The following KCNIP4 variants were observed in gnomAD, a reference collection of about 807,000 sequenced individuals.
The protein encoded by KCNIP4 is potassium voltage-gated channel interacting protein 4.
In KCNIP4, 12 loss-of-function variants were observed where a neutral mutation model predicts 34.0. The observed-to-expected ratio is 0.35, with a 90% CI of 0.23 to 0.57. KCNIP4 has a LOEUF of 0.57. KCNIP4 is among the 20% of genes least tolerant of loss of function. The pLI is 0.83. For synonymous variants in KCNIP4, 124 were observed against 102.2 expected, an observed-to-expected ratio of 1.21 and a Z score of -1.29; for missense variants, 238 against 311.7, an observed-to-expected ratio of 0.76 and a Z score of 1.78.
chr4:21,255,399 C>A (rs1479910524), intron 1 of KCNIP4, among the ~76,000 whole-genome samples: 2 of 151,700 alleles, frequency 1.3e-5, no homozygotes, highest in Non-Finnish European at 2.9e-5. Flanking sequence ...TTTTTCTTAT[C>A]TCCCCTCTCC....
At chr4:21,065,173 C>T (rs1577625580) in intron 1 of KCNIP4, among the ~76,000 whole-genome samples, 1 of 152,108 alleles carries the variant, frequency 6.6e-6, no homozygotes, top group African/African-American at 2.4e-5. Flanking sequence ...TCTTGGTTGA[C>T]TTTCTAGGGG....
intron 1 of KCNIP4, among the ~76,000 whole-genome samples, chr4:21,707,497 G>A (rs560151516): frequency 6.6e-6 from 1 of 152,168 alleles, no homozygotes; most frequent in South Asian, 2.1e-4. Flanking sequence ...TATGACATAT[G>A]TGTAGATTTT....
intron 3 of KCNIP4, among the ~76,000 whole-genome samples, chr4:20,783,168 T>C (rs1757012297): frequency 6.6e-6 from 1 of 152,222 alleles, no homozygotes; most frequent in Non-Finnish European, 1.5e-5. Context: ...ATTAGCATTT[T>C]GGGCAAAGCC....
At chr4:21,061,662 T>A (rs1743931590) in intron 1 of KCNIP4, among the ~76,000 whole-genome samples, 1 of 152,172 alleles carries the variant, frequency 6.6e-6, no homozygotes, top group Non-Finnish European at 1.5e-5. Flanking sequence ...AAAATTCAAT[T>A]GTATTTTAGG....
chr4:21,300,296 G>C (rs1365948357), intron 1 of KCNIP4, among the ~76,000 whole-genome samples: 1 of 152,050 alleles, frequency 6.6e-6, no homozygotes, highest in East Asian at 1.9e-4. Flanking sequence ...GAAAGAAAAA[G>C]GCAATTTACT....
At chr4:21,775,243 C>G (rs28762443) in intron 1 of KCNIP4, among the ~76,000 whole-genome samples, 22,522 of 151,924 alleles carry the variant, frequency 0.15, 5,625 homozygotes, top group African/African-American at 0.51. Flanking sequence ...GCAGTTTGCT[C>G]GGGGCTCACT....
intron 2 of KCNIP4, among the ~76,000 whole-genome samples, chr4:20,858,518 G>A (rs1222043028): frequency 2.0e-5 from 3 of 152,170 alleles, no homozygotes; most frequent in Non-Finnish European, 4.4e-5. Flanking sequence ...CAGTTTGCTA[G>A]CCAATTATGT....
intron 5 of KCNIP4, among the ~76,000 whole-genome samples, chr4:20,748,560 TTATATATATATATATA>T (rs3075750): frequency 0.034 from 2,177 of 64,884 alleles, 44 homozygotes; most frequent in Middle Eastern, 0.18. Context: ...CTTCCAAATT[TTATATATATATATATA>T]TATATATATA....
intron 1 of KCNIP4, among the ~76,000 whole-genome samples, chr4:21,618,232 G>A (rs1170449810): frequency 6.6e-6 from 1 of 152,060 alleles, no homozygotes; most frequent in Admixed American, 6.5e-5. Flanking sequence ...TCAGTATAAT[G>A]CTAGCAAAAA....
At chr4:20,997,509 T>C (rs1485822260) in intron 1 of KCNIP4, among the ~76,000 whole-genome samples, 1 of 152,134 alleles carries the variant, frequency 6.6e-6, no homozygotes, top group African/African-American at 2.4e-5. Flanking sequence ...TAAAAGGTAT[T>C]GTAGGGAATC....
At chr4:21,537,924 A>G (rs1055825300) in intron 1 of KCNIP4, among the ~76,000 whole-genome samples, 29 of 148,526 alleles carry the variant, frequency 2.0e-4, no homozygotes, top group East Asian at 4.2e-4. Flanking sequence ...AGTCAGAAGA[A>G]TAGCTTGAAC....
intron 3 of KCNIP4, among the ~76,000 whole-genome samples, chr4:20,836,230 A>G (rs1055701572): frequency 6.6e-6 from 1 of 152,110 alleles, no homozygotes; most frequent in Non-Finnish European, 1.5e-5. Flanking sequence ...TCCCTCAATC[A>G]TGGTGATTTG....
chr4:21,821,539 T>C (rs1012648585), intron 1 of KCNIP4, among the ~76,000 whole-genome samples: 6 of 152,156 alleles, frequency 3.9e-5, no homozygotes, highest in Admixed American at 6.5e-5. Context: ...TAGTATCATA[T>C]GGAATTTTAA....
intron 1 of KCNIP4, among the ~76,000 whole-genome samples, chr4:21,295,737 T>C (rs1367258457): frequency 6.6e-6 from 1 of 152,146 alleles, no homozygotes; most frequent in Admixed American, 6.6e-5. Flanking sequence ...CCTGTTTCTG[T>C]CCCCATGCTA....
At chr4:21,517,111 G>A (rs1046348794) in intron 1 of KCNIP4, among the ~76,000 whole-genome samples, 3 of 152,080 alleles carry the variant, frequency 2.0e-5, no homozygotes, top group South Asian at 2.1e-4. Context: ...AAATTCTAAG[G>A]CTTCATGAAC....
chr4:21,103,555 G>A (rs1031964315), intron 1 of KCNIP4, among the ~76,000 whole-genome samples: 35 of 150,874 alleles, frequency 2.3e-4, no homozygotes, highest in African/African-American at 6.8e-4. Flanking sequence ...TCAATGTAGC[G>A]AAGTTTTTGG....
At chr4:21,762,945 C>T in intron 1 of KCNIP4, 1 of 1,288,800 alleles carries the variant, frequency 7.8e-7, no homozygotes, top group Non-Finnish European at 1.0e-6. Flanking sequence ...GGTGCTCCCA[C>T]TTCCGAAGTC....
chr4:20,993,620 T>G lies in KCNIP4; in HGVS notation c.62-110911A>C, dbSNP rs78112469. 3.3e-3 allele frequency among the ~76,000 whole-genome samples: 510 copies of G among 152,362 alleles called. 25 individuals are homozygous for G. In the East Asian group the frequency reaches 0.092, roughly 28 times the overall value. On this transcript the variant is annotated intron_variant, in intron 1 of 8. Transcript: ENST00000382152. The stretch of plus-strand genomic sequence containing the variant: ...GGAAACAAAATCATTCTTCTGGGAA[T>G]GAGTTTTCCTAGAACTCACAGTCAG...
chr4:20,956,280 G>A (rs1040434288), intron 1 of KCNIP4, among the ~76,000 whole-genome samples: 7 of 152,128 alleles, frequency 4.6e-5, no homozygotes, highest in Admixed American at 1.3e-4. Context: ...TGAGGTGGGT[G>A]GATCACGAGG....
Sources: allele counts gnomAD v4.1 joint callset (sites outside exome capture counted in the v4.1 genomes callset), GRCh38; gene constraint gnomAD v4.1.1; transcripts MANE v1.5; gene names NCBI Gene and HGNC (gene_info 2026-07-23, HGNC 2026-07-21).